CHODL: variants seen among roughly 807,000 people sequenced by gnomAD.
CHODL encodes chondrolectin, also known as transmembrane protein MT75.
CHODL carries 29 observed loss-of-function variants against 34.5 expected under a neutral mutation model. The observed-to-expected ratio is 0.84, with a 90% CI of 0.63 to 1.15. The LOEUF (loss-of-function observed/expected upper bound fraction) is 1.15. CHODL is among the 50% of genes most tolerant of loss of function. The probability of loss-of-function intolerance (pLI) is 0.00; values close to 1 mark genes in which losing one functional copy is unlikely to be tolerated. For synonymous variants in CHODL, 125 were observed against 116.1 expected, an observed-to-expected ratio of 1.08 and a Z score of -0.49; for missense variants, 332 against 332.5, an observed-to-expected ratio of 1.00 and a Z score of 0.01.
At position 18,256,954 on chromosome 21, in the gene CHODL, T is replaced by TA; in HGVS notation, c.390-15dup. 6.2e-7 allele frequency: 1 copy of TA among 1,609,036 alleles called. No individual in the cohort carries two copies. Among genetic ancestry groups the TA allele is most frequent in the Non-Finnish European group, 8.5e-7 (1 of 1,177,636 alleles). On this transcript the variant is annotated splice_polypyrimidine_tract_variant and intron_variant, in intron 2 of 5. Coordinates refer to ENST00000299295, the MANE Select transcript of CHODL (RefSeq NM_024944.3). ...TAGGCATGTATCTGAGTGTTCCTATTACTCTCTGTTTGCAGAAACTGGTAC... is the reference window on the plus strand; with the variant it reads ...TAGGCATGTATCTGAGTGTTCCTATTAACTCTCTGTTTGCAGAAACTGGTAC...
At chr21:18,056,761 A>G (rs1192309874) in intron 2 of CHODL, among the ~76,000 whole-genome samples, 1 of 151,974 alleles carries the variant, frequency 6.6e-6, no homozygotes, top group African/African-American at 2.4e-5. Context: ...TATGCTTTTA[A>G]TCATGCTCCA....
At chr21:18,062,141 T>C (rs1227188968) in intron 2 of CHODL, among the ~76,000 whole-genome samples, 1 of 152,118 alleles carries the variant, frequency 6.6e-6, no homozygotes, top group Non-Finnish European at 1.5e-5. Flanking sequence ...ATAAAGTACG[T>C]GAGTTCAGTG....
At chr21:18,077,721 C>G (rs531268296) in intron 2 of CHODL, among the ~76,000 whole-genome samples, 1 of 152,204 alleles carries the variant, frequency 6.6e-6, no homozygotes, top group Admixed American at 6.5e-5. Flanking sequence ...CAAACCCTCA[C>G]CAAACGCTGA....
chr21:18,265,094 A>T (rs8129348), intron 5 of CHODL, among the ~76,000 whole-genome samples: 45,887 of 151,396 alleles, frequency 0.3, 9,618 homozygotes, highest in African/African-American at 0.6. Flanking sequence ...TGTTTAATAT[A>T]GTGTCAGGCA....
chr21:18,199,745 C>T (rs899094135), intron 2 of CHODL, among the ~76,000 whole-genome samples: 5 of 152,170 alleles, frequency 3.3e-5, no homozygotes, highest in East Asian at 1.9e-4. Context: ...CTTCTTTATC[C>T]GTTTAAGTTT....
chr21:18,199,637 C>A (rs2073629415), intron 2 of CHODL, among the ~76,000 whole-genome samples: 1 of 152,112 alleles, frequency 6.6e-6, no homozygotes, highest in Non-Finnish European at 1.5e-5. Context: ...TATCCTAAAT[C>A]TCTGCCAATC....
chr21:18,028,506 G>T (rs2064209774), intron 2 of CHODL, among the ~76,000 whole-genome samples: 1 of 151,610 alleles, frequency 6.6e-6, no homozygotes, highest in Non-Finnish European at 1.5e-5. Context: ...AGACCAGCCT[G>T]ACCAAACATG....
chr21:18,194,520 T>G (rs536992996), intron 2 of CHODL, among the ~76,000 whole-genome samples: 21 of 152,248 alleles, frequency 1.4e-4, no homozygotes, highest in African/African-American at 5.1e-4. Flanking sequence ...ATAAAACTTC[T>G]TGTGTTTCAA....
upstream of CHODL, among the ~76,000 whole-genome samples, chr21:18,240,972 A>C (rs2074076344): frequency 6.6e-6 from 1 of 152,226 alleles, no homozygotes; most frequent in African/African-American, 2.4e-5. Flanking sequence ...CGTTATGAAC[A>C]ATGAAATTCC....
intron 1 of CHODL, among the ~76,000 whole-genome samples, chr21:18,251,600 AT>A (rs1460571827): frequency 5.7e-5 from 3 of 52,580 alleles, no homozygotes; most frequent in African/African-American, 1.5e-4. Context: ...TATTTTATTT[AT>A]TTATTTTAAT....
intron 1 of CHODL, among the ~76,000 whole-genome samples, chr21:18,248,709 A>ATGTT (rs1555885898): frequency 8.5e-6 from 1 of 118,082 alleles, no homozygotes; most frequent in Non-Finnish European, 1.6e-5. Context: ...ATATGTATAT[A>ATGTT]ATATATACAT....
chr21:18,129,894 G>C lies in CHODL; in HGVS notation c.-45+101923G>C, dbSNP rs77746555. On this transcript the variant is annotated intron_variant, in intron 2 of 6. Transcript: ENST00000400127. The stretch of plus-strand genomic sequence containing the variant: ...GTATTCTCTCTCTCTGTCTTTCTCT[G>C]TGTGTGTGTGTGTGTGTGTGTGTGT... Among the ~76,000 whole-genome samples the C allele has an allele frequency of 2.8e-3, 66 of 23,724 alleles. No individual in the cohort carries two copies. The South Asian group carries it at 0.03, about 11-fold the overall frequency. The allele number at this position is 23,724 out of a possible 152,430, so 15.6% of individuals were successfully genotyped here. A position where few individuals can be genotyped will look rare whatever the true frequency, so the allele number is the denominator to read the frequency against.
At chr21:18,026,121 G>A (rs1002177722) in intron 1 of CHODL, among the ~76,000 whole-genome samples, 3 of 152,078 alleles carry the variant, frequency 2.0e-5, no homozygotes, top group African/African-American at 4.8e-5. Flanking sequence ...CAGTTCCTGG[G>A]ACATAATAGA....
At chr21:17,927,217 T>C (rs2063236409) in intron 1 of CHODL, among the ~76,000 whole-genome samples, 1 of 150,364 alleles carries the variant, frequency 6.7e-6, no homozygotes, top group African/African-American at 2.4e-5. Context: ...TGTATATATA[T>C]ATATCCCAGA....
intron 2 of CHODL, among the ~76,000 whole-genome samples, chr21:18,136,695 C>G (rs1171901215): frequency 6.9e-6 from 1 of 144,644 alleles, no homozygotes; most frequent in Non-Finnish European, 1.5e-5. Flanking sequence ...AGCAGATACT[C>G]TCAATGAAGA....
At chr21:18,153,042 A>G (rs2072990546) in intron 2 of CHODL, among the ~76,000 whole-genome samples, 3 of 152,202 alleles carry the variant, frequency 2.0e-5, no homozygotes. Flanking sequence ...AATTATCATT[A>G]TGATCAATAC....
chr21:18,196,034 G>A (rs1029062720), intron 2 of CHODL, among the ~76,000 whole-genome samples: 17 of 152,110 alleles, frequency 1.1e-4, no homozygotes, highest in African/African-American at 4.1e-4. Context: ...TTCCTCGTGT[G>A]TAATATAAGA....
intron 1 of CHODL, among the ~76,000 whole-genome samples, chr21:18,018,772 C>T (rs2064099735): frequency 6.6e-6 from 1 of 152,120 alleles, no homozygotes; most frequent in Admixed American, 6.5e-5. Flanking sequence ...GGAAAAGCCC[C>T]AATTATTTTT....
rs139312146 is a variant in CHODL at position 18,135,936 on chromosome 21, G to A, written c.-45+107965G>A. Reference sequence around the variant, plus strand: ...ATCCCGGCCGACATGGTGAAACCCCGTCTCTACTAAAAACACAAAAATTAC... The same window carrying A: ...ATCCCGGCCGACATGGTGAAACCCCATCTCTACTAAAAACACAAAAATTAC... On this transcript the variant is annotated intron_variant, in intron 2 of 6. Transcript: ENST00000400127. Among the ~76,000 whole-genome samples the A allele has an allele frequency of 4.0e-4, 60 of 151,676 alleles. 1 individual carries two copies. Among genetic ancestry groups the A allele is most frequent in the African/African-American group, 1.3e-3 (54 of 41,408 alleles).
Sources: gnomAD v4.1 joint callset for allele counts (sites outside exome capture counted in the v4.1 genomes callset) on GRCh38, gnomAD v4.1.1 for gene constraint, MANE v1.5 for transcripts, NCBI Gene and HGNC (gene_info 2026-07-23, HGNC 2026-07-21) for gene names.